The following PRKCB variants were observed in gnomAD, a reference collection of about 807,000 sequenced individuals.
PRKCB encodes protein kinase C beta type.
A neutral mutation model predicts 81.5 loss-of-function variants in PRKCB; 13 were observed. The observed-to-expected ratio is 0.16, with a 90% confidence interval of 0.10 to 0.25. PRKCB has a LOEUF of 0.25. Ranked by LOEUF, PRKCB falls within the 10% of genes least tolerant of loss-of-function variation. The pLI is 1.00. For synonymous variants in PRKCB, 335 were observed against 321.4 expected, an observed-to-expected ratio of 1.04 and a Z score of -0.45; for missense variants, 509 against 875.7, an observed-to-expected ratio of 0.58 and a Z score of 5.29.
At chr16:24,057,086 C>T (rs1596530861) in intron 5 of PRKCB, among the ~76,000 whole-genome samples, 2 of 152,024 alleles carry the variant, frequency 1.3e-5, no homozygotes, top group East Asian at 3.9e-4. Context: ...TTGTTGAAAA[C>T]AAAAATGTAA....
intron 7 of PRKCB, 124 bp from the exon 8 acceptor site, chr16:24,112,843 CAAACCA>C (rs1966692087): frequency 2.0e-6 from 1 of 503,274 alleles, no homozygotes; most frequent in Non-Finnish European, 3.5e-6. Flanking sequence ...CAAACCAAAA[CAAACCA>C]AAAAACCCTC....
At chr16:23,884,047 A>T (rs1222672402) in intron 2 of PRKCB, among the ~76,000 whole-genome samples, 1 of 152,242 alleles carries the variant, frequency 6.6e-6, no homozygotes, top group Non-Finnish European at 1.5e-5. Flanking sequence ...AGTCTTCAAC[A>T]TTTGATATGT....
chr16:23,952,489 G>C (rs1964296849), intron 2 of PRKCB, among the ~76,000 whole-genome samples: 1 of 152,090 alleles, frequency 6.6e-6, no homozygotes, highest in African/African-American at 2.4e-5. Context: ...GAGATGAGGG[G>C]GTGTTTAGAA....
At position 24,163,228 on chromosome 16, in the gene PRKCB, G is replaced by A. The variant is rs1286359605; in HGVS notation, c.1239+8371G>A. ...AGGGAATAATTGGTGCTCATGCCAG[G>A]TGAGAGGCACCATCTTGAGTCCAAG... On this transcript the variant is annotated intron_variant, in intron 10 of 16. Coordinates refer to ENST00000643927, the MANE Select transcript of PRKCB (RefSeq NM_002738.7). Among the ~76,000 whole-genome samples, 4 of 152,226 alleles carry A rather than the reference G, an allele frequency of 2.6e-5. 1 individual carries two copies. The highest frequency in any genetic ancestry group is 2.0e-4 in the Admixed American group (3 of 15,286).
rs991554081 is a variant in PRKCB, at chr16:24,180,223, G to A, written c.1395-567G>A. Among the ~76,000 whole-genome samples, 7 of 152,142 alleles carry A rather than the reference G, an allele frequency of 4.6e-5. No homozygotes were observed. The East Asian group carries it at 5.8e-4, about 13-fold the overall frequency. On this transcript the variant is annotated intron_variant, in intron 12 of 16. Transcript: ENST00000643927. ...CTCCCGAAGTGCTGGAATCGCAGGC[G>A]TGAGCCAATGTGCCCTGCCAAATGT...
At position 24,191,216 on chromosome 16, in the gene PRKCB, T is replaced by C; in HGVS notation, c.1849T>C (p.Tyr617His). 2 of 1,614,062 alleles carry C rather than the reference T, an allele frequency of 1.2e-6. No homozygotes were observed. The highest frequency in any genetic ancestry group is 2.2e-5 in the East Asian group (1 of 44,864). ...TGAACGCAAAGAGATCCAGCCCCCT[T>C]ATAAGCCAAAAGCTGTAAGTAGCCC... ...KLERKEIQPP[Y>H]KPKACGRNAE... The change falls in exon 16 of 17, where the codon TAT (tyrosine) becomes CAT (histidine). Residue 617 changes from tyrosine (Y) to histidine (H), a missense_variant. By Grantham distance (83) the Tyr-to-His change is moderately conservative (BLOSUM62 2). Around this residue, in one of 6 missense-constraint regions of PRKCB, gnomAD observed 104 missense variants for 160.5 expected, o/e 0.65. Coordinates refer to ENST00000643927, the MANE Select transcript of PRKCB (RefSeq NM_002738.7).
At chr16:24,030,427 C>T (rs1286300529) in intron 3 of PRKCB, among the ~76,000 whole-genome samples, 1 of 152,004 alleles carries the variant, frequency 6.6e-6, no homozygotes, top group Non-Finnish European at 1.5e-5. Context: ...TCACCTTGGC[C>T]AAATAGTAAT....
chr16:23,997,397 A>G (rs1043062859), intron 3 of PRKCB, among the ~76,000 whole-genome samples: 2 of 152,212 alleles, frequency 1.3e-5, no homozygotes, highest in East Asian at 3.9e-4. Flanking sequence ...TTTAAGAATG[A>G]AGGTTTGGGT....
chr16:24,137,314 G>C (rs915226615), intron 9 of PRKCB, among the ~76,000 whole-genome samples: 1 of 151,216 alleles, frequency 6.6e-6, no homozygotes, highest in Non-Finnish European at 1.5e-5. Context: ...TCAGCCTCCC[G>C]ACTAGCTGGG....
At chr16:24,088,042 T>A (rs1269496155) in intron 5 of PRKCB, among the ~76,000 whole-genome samples, 1 of 152,150 alleles carries the variant, frequency 6.6e-6, no homozygotes, top group African/African-American at 2.4e-5. Flanking sequence ...ACAAAGATAG[T>A]AAAGAAACAT....
chr16:24,035,416 C>A lies in PRKCB; in HGVS notation c.401-3C>A. 1.2e-6 allele frequency: 2 copies of A among 1,613,548 alleles called. No individual in the cohort carries two copies. Among genetic ancestry groups the A allele is most frequent in the Non-Finnish European group, 1.7e-6 (2 of 1,179,698 alleles). Reference sequence around the variant, plus strand: ...GCCACATCCCCTCTCTCTGCCCTCACAGCCTGCATGATGAATGTGCACAAG... The same window carrying A: ...GCCACATCCCCTCTCTCTGCCCTCAAAGCCTGCATGATGAATGTGCACAAG... On this transcript the variant is annotated splice_polypyrimidine_tract_variant and splice_region_variant and intron_variant, in intron 4 of 16. Coordinates refer to ENST00000643927, the MANE Select transcript of PRKCB (RefSeq NM_002738.7).
intron 9 of PRKCB, among the ~76,000 whole-genome samples, chr16:24,126,626 G>A (rs1966844715): frequency 6.6e-6 from 1 of 152,020 alleles, no homozygotes; most frequent in South Asian, 2.1e-4. Context: ...GAGTGCAATG[G>A]CGCCATCTCG....
chr16:24,114,913 T>C (rs572222489), intron 8 of PRKCB, among the ~76,000 whole-genome samples: 1 of 150,982 alleles, frequency 6.6e-6, no homozygotes, highest in Non-Finnish European at 1.5e-5. Flanking sequence ...TCAGGTACCT[T>C]GAGAACATGT....
intron 2 of PRKCB, among the ~76,000 whole-genome samples, chr16:23,926,549 G>T (rs931086020): frequency 7.3e-5 from 11 of 151,188 alleles, no homozygotes; most frequent in Non-Finnish European, 1.2e-4. Flanking sequence ...TTATGGCTGA[G>T]TAGTATTCTA....
chr16:24,167,579 A>C (rs1967367866), intron 10 of PRKCB, among the ~76,000 whole-genome samples: 1 of 152,002 alleles, frequency 6.6e-6, no homozygotes, highest in Non-Finnish European at 1.5e-5. Flanking sequence ...AAAACAAAAA[A>C]ATTGGTTAAC....
chr16:24,189,588 C>G (rs1377816606), intron 15 of PRKCB, among the ~76,000 whole-genome samples: 1 of 149,370 alleles, frequency 6.7e-6, no homozygotes, highest in Non-Finnish European at 1.5e-5. Context: ...CTTGCAGTGA[C>G]CCGAGATCGC....
rs1434512195 is a variant in PRKCB at position 24,092,878 on chromosome 16, G to T, written c.617G>T (p.Ser206Ile). The T allele has an allele frequency of 6.2e-7, 1 of 1,614,124 alleles. No homozygotes were observed. Among genetic ancestry groups the T allele is most frequent in the South Asian group, 1.1e-5 (1 of 91,084 alleles). The change falls in exon 6 of 17, where the codon AGT becomes ATT. Residue 206 changes from serine to isoleucine, a missense_variant. Transcript: ENST00000643927. ...VKLKLIPDPKSESKQKTKTIK... is the reference protein window; with the variant it reads ...VKLKLIPDPKIESKQKTKTIK... ...CTGAAACTGATTCCCGATCCCAAAA[G>T]TGAGAGCAAACAGAAGACCAAAACC... is the stretch of plus-strand genomic sequence containing the variant.
rs185089104 is a variant in PRKCB, at chr16:23,853,059, G to A, written c.205+15653G>A. 1.6e-3 allele frequency among the ~76,000 whole-genome samples: 250 copies of A among 152,244 alleles called. 1 individual carries two copies. Among genetic ancestry groups the A allele is most frequent in the African/African-American group, 4.7e-3 (195 of 41,516 alleles). ...GCTTCCTGTTTCAATGTTGCCCATCGGTTCCAGACTGTTCAACAAGGAAGC... is the reference window on the plus strand; with the variant it reads ...GCTTCCTGTTTCAATGTTGCCCATCAGTTCCAGACTGTTCAACAAGGAAGC... On this transcript the variant is annotated intron_variant, in intron 2 of 16. Coordinates refer to ENST00000643927, the MANE Select transcript of PRKCB (RefSeq NM_002738.7).
intron 5 of PRKCB, among the ~76,000 whole-genome samples, chr16:24,047,968 G>A (rs1184651453): frequency 1.3e-5 from 2 of 152,212 alleles, no homozygotes; most frequent in African/African-American, 2.4e-5. Flanking sequence ...TTAGAAGGGT[G>A]AGGGAAGGGA....
Sources: gnomAD v4.1 joint callset for allele counts (sites outside exome capture counted in the v4.1 genomes callset) on GRCh38, gnomAD v4.1.1 for gene constraint, gnomAD v4.1.1 regional missense constraint, MANE v1.5 for transcripts, NCBI Gene and HGNC (gene_info 2026-07-23, HGNC 2026-07-21) for gene names.